The following FARP1 variants were observed in gnomAD, a reference collection of about 807,000 sequenced individuals.
The protein encoded by FARP1 is FERM, ARHGEF and pleckstrin domain-containing protein 1.
In FARP1, 52 loss-of-function variants were observed where a neutral mutation model predicts 128.8. That is an observed-to-expected ratio of 0.40 (90% CI 0.32 to 0.51). The LOEUF is 0.51. FARP1 is among the 20% of genes least tolerant of loss of function. FARP1 has a pLI of 0.45. For synonymous variants in FARP1, 580 were observed against 551.8 expected (o/e 1.05, Z -0.72); for missense variants, 1,333 against 1,367.9 (o/e 0.97, Z 0.40).
At chr13:98,288,797 G>C (rs1566837549) in intron 2 of FARP1, among the ~76,000 whole-genome samples, 1 of 152,302 alleles carries the variant, frequency 6.6e-6, no homozygotes, top group East Asian at 1.9e-4. Flanking sequence ...TGAGATTTCA[G>C]CTTTGGGCGA....
rs748448691 is a variant in FARP1 at position 98,176,451 on chromosome 13, G to A, written c.-24+32959G>A. The stretch of plus-strand genomic sequence containing the variant: ...ACTTGGTGACGACTGGGTTTTGGAA[G>A]GCCTGGCGACATATGAAACACCTGA... On this transcript the variant is annotated intron_variant, in intron 1 of 26. Coordinates refer to ENST00000319562, the MANE Select transcript of FARP1 (RefSeq NM_005766.4). The surrounding 1 kb of genome is among the most constrained non-coding windows in gnomAD (Gnocchi z 6.2). The A allele has an allele frequency of 6.2e-7, 1 of 1,614,202 alleles. No individual in the cohort carries two copies. The highest frequency in any genetic ancestry group is 8.5e-7 in the Non-Finnish European group (1 of 1,180,038).
In FARP1 at chr13:98,446,819, T is replaced by C. The variant is rs1439301141; in HGVS notation, c.3056+2T>C. Reference sequence around the variant, plus strand: ...GGAAAGCGAGTACACGTTCGAAAGGTAGACACCCCCTTCCCACGCACAGGG... The same window carrying C: ...GGAAAGCGAGTACACGTTCGAAAGGCAGACACCCCCTTCCCACGCACAGGG... On this transcript the variant is annotated splice_donor_variant, in intron 26 of 26. Coordinates refer to ENST00000319562, the MANE Select transcript of FARP1 (RefSeq NM_005766.4). LOFTEE classifies it high-confidence loss of function. 1.2e-6 allele frequency: 2 copies of C among 1,613,842 alleles called. No individual in the cohort carries two copies. The highest frequency in any genetic ancestry group is 1.7e-5 in the Admixed American group (1 of 59,992).
At chr13:98,277,148 A>ACACCCC (rs372627844) in intron 2 of FARP1, among the ~76,000 whole-genome samples, 2 of 138,580 alleles carry the variant, frequency 1.4e-5, no homozygotes, top group Non-Finnish European at 3.2e-5. Flanking sequence ...ACACACACAC[A>ACACCCC]CCCCATATGT....
chr13:98,427,382 C>A (rs1297500449), intron 17 of FARP1, among the ~76,000 whole-genome samples: 1 of 152,232 alleles, frequency 6.6e-6, no homozygotes, highest in Non-Finnish European at 1.5e-5. Context: ...CCTCGTTTCA[C>A]ATGCTCTGTA....
chr13:98,345,410 A>G (rs1366592182), intron 3 of FARP1: 1 of 152,190 alleles, frequency 6.6e-6, no homozygotes, highest in Non-Finnish European at 1.5e-5. Flanking sequence ...TTCTGACTCC[A>G]AGTTCAGCGT....
At chr13:98,208,589 C>G (rs1035985535) in intron 1 of FARP1, 1 of 152,812 alleles carries the variant, frequency 6.5e-6, no homozygotes, top group African/African-American at 2.4e-5. Context: ...CTTAGAACCC[C>G]TATGTTACCA....
chr13:98,268,410 C>G (rs1414039089), intron 2 of FARP1, among the ~76,000 whole-genome samples: 1 of 152,156 alleles, frequency 6.6e-6, no homozygotes, highest in Non-Finnish European at 1.5e-5. Context: ...TACTGGCCAG[C>G]AGAAACCTCT....
chr13:98,423,409 A>C (rs906035602), intron 16 of FARP1, among the ~76,000 whole-genome samples: 1 of 151,832 alleles, frequency 6.6e-6, no homozygotes, highest in Admixed American at 6.6e-5. Context: ...GCCTAGTGCC[A>C]GTTTTGTTTG....
chr13:98,192,947 C>T (rs571161462), intron 1 of FARP1, among the ~76,000 whole-genome samples: 1 of 152,302 alleles, frequency 6.6e-6, no homozygotes, highest in African/African-American at 2.4e-5. Context: ...ATACGTGTCA[C>T]ACACGCAAAC....
intron 2 of FARP1, among the ~76,000 whole-genome samples, chr13:98,321,886 G>C (rs888339986): frequency 6.6e-6 from 1 of 152,224 alleles, no homozygotes; most frequent in African/African-American, 2.4e-5. Context: ...TGAAATCTTA[G>C]ATCTGCCACG....
intron 24 of FARP1, among the ~76,000 whole-genome samples, chr13:98,441,861 G>T (rs1036266771): frequency 6.6e-6 from 1 of 152,148 alleles, no homozygotes; most frequent in South Asian, 2.1e-4. Flanking sequence ...TGTTTTCTGA[G>T]CCCACCACCT....
intron 2 of FARP1, among the ~76,000 whole-genome samples, chr13:98,319,983 C>A (rs1293382949): frequency 6.6e-6 from 1 of 152,142 alleles, no homozygotes; most frequent in South Asian, 2.1e-4. Flanking sequence ...GGAAATTGAT[C>A]CTCACATTAT....
chr13:98,287,060 A>G (rs1221106842), intron 2 of FARP1, among the ~76,000 whole-genome samples: 1 of 152,190 alleles, frequency 6.6e-6, no homozygotes, highest in Non-Finnish European at 1.5e-5. Flanking sequence ...AAAACAAAAC[A>G]GAAACCAGTT....
At chr13:98,352,600 A>C (rs1470064980) in intron 3 of FARP1, among the ~76,000 whole-genome samples, 1 of 152,228 alleles carries the variant, frequency 6.6e-6, no homozygotes, top group Non-Finnish European at 1.5e-5. Context: ...CTGAACCATG[A>C]CTTTAAACAG....
intron 18 of FARP1, chr13:98,433,772 AG>A (rs1420272978): frequency 6.6e-6 from 1 of 152,124 alleles, no homozygotes; most frequent in Non-Finnish European, 1.5e-5. Context: ...CCTTCTGCTT[AG>A]AGTCCTGGCC....
chr13:98,362,205 G>A (rs1278801279), intron 3 of FARP1, among the ~76,000 whole-genome samples: 1 of 152,104 alleles, frequency 6.6e-6, no homozygotes, highest in Non-Finnish European at 1.5e-5. Context: ...TTGAGGCTGC[G>A]CCACTGCACT....
At chr13:98,391,493 A>T (rs1332709061) in intron 11 of FARP1, among the ~76,000 whole-genome samples, 2 of 151,900 alleles carry the variant, frequency 1.3e-5, no homozygotes, top group South Asian at 4.1e-4. Flanking sequence ...CTGGTCTCAA[A>T]CTCCTGGGCT....
At chr13:98,199,640 GCTGA>G (rs748516828) in intron 1 of FARP1, among the ~76,000 whole-genome samples, 6 of 152,340 alleles carry the variant, frequency 3.9e-5, no homozygotes, top group South Asian at 4.1e-4. Flanking sequence ...ATTTGGAGAG[GCTGA>G]CTGGTGTCGA....
chr13:98,411,000 C>T (rs540144903), intron 15 of FARP1, among the ~76,000 whole-genome samples, 177 bp downstream of exon 15: 1 of 152,196 alleles, frequency 6.6e-6, no homozygotes, highest in East Asian at 1.9e-4. Flanking sequence ...GGAATATATG[C>T]TATAACATTT....
Sources: gnomAD v4.1 joint callset for allele counts (sites outside exome capture counted in the v4.1 genomes callset) on GRCh38, gnomAD v4.1.1 for gene constraint, Gnocchi (gnomAD v3.1) non-coding constraint, MANE v1.5 for transcripts, NCBI Gene and HGNC (gene_info 2026-07-23, HGNC 2026-07-21) for gene names.